Variants in RNF111 observed in about 807,000 individuals in gnomAD.
RNF111 encodes ring finger protein 111.
RNF111 carries 17 observed loss-of-function variants against 95.1 expected under a neutral mutation model. That is an observed-to-expected ratio of 0.18 (90% confidence interval 0.12 to 0.27). RNF111 has a LOEUF of 0.27. RNF111 is among the 10% of genes least tolerant of loss of function. The probability of loss-of-function intolerance (pLI) is 1.00; values close to 1 mark genes in which losing one functional copy is unlikely to be tolerated. For missense variants in RNF111, 1,189 were observed against 1,210.4 expected, an observed-to-expected ratio of 0.98 and a Z score of 0.26; for synonymous variants, 440 against 414.8, an observed-to-expected ratio of 1.06 and a Z score of -0.74.
At chr15:59,083,641 T>C (rs981957014) in intron 8 of RNF111, among the ~76,000 whole-genome samples, 63 of 152,326 alleles carry the variant, frequency 4.1e-4, no homozygotes, top group African/African-American at 1.5e-3. Flanking sequence ...CATTGTTTTC[T>C]CTTAAACTTT....
At chr15:59,083,980 A>G in intron 8 of RNF111, 149 bp from the exon 9 acceptor site, 1 of 521,130 alleles carries the variant, frequency 1.9e-6, no homozygotes, top group Non-Finnish European at 2.8e-6. Context: ...ATAATTTTAT[A>G]TGTTTTTATA....
rs2079163747 is a variant in RNF111 at position 59,095,579 on chromosome 15, ATCATACAT to A, written c.*681_*688del. ...GTGCAGATAAGAGTTGAATATTGAT[ATCATACAT>A]TTAGACTGCTGTTCTGATTGCATTT... On this transcript the variant is annotated 3_prime_UTR_variant, in exon 14 of 14. Coordinates refer to ENST00000348370, the MANE Select transcript of RNF111 (RefSeq NM_017610.8). 1 of 154,694 alleles carries A rather than the reference ATCATACAT, an allele frequency of 6.5e-6. No individual in the cohort carries two copies. Among genetic ancestry groups the A allele is most frequent in the East Asian group, 1.9e-4 (1 of 5,250 alleles). 9.6% of individuals were successfully genotyped at this position (154,694 alleles called of 1,614,324 possible). A position where few individuals can be genotyped will look rare whatever the true frequency, so the allele number is the denominator to read the frequency against.
rs778734872 is a variant in RNF111, at chr15:59,091,096, A to G, written c.2681A>G (p.Asn894Ser). The part of the protein sequence containing the change: ...IHLEERLGNV[N>S]RGASQGTIER... ...TTGGAAGAAAGATTAGGCAATGTCA[A>G]TCGTGGAGCATCCCAGGGGACAATT... is the stretch of plus-strand genomic sequence containing the variant. The change falls in exon 12 of 14, where the codon AAT becomes AGT. Residue 894 changes from asparagine to serine, a missense_variant. Physicochemically the swap from Asn to Ser is conservative, Grantham distance 46 (BLOSUM62 1). Around this residue, in one of 2 missense-constraint regions of RNF111, gnomAD observed 165 missense variants for 284.6 expected, o/e 0.58. Transcript: ENST00000348370. The G allele has an allele frequency of 2.5e-6, 4 of 1,611,042 alleles. No homozygotes were observed. Among genetic ancestry groups the G allele is most frequent in the African/African-American group, 1.3e-5 (1 of 74,968 alleles).
In RNF111 at chr15:59,089,678, G is replaced by A. The variant is rs2078994879; in HGVS notation, c.2562G>A (p.Met854Ile). Residue 854 changes from methionine to isoleucine, a missense_variant, in exon 11 of 14, where the codon ATG (methionine) becomes ATA (isoleucine). By Grantham distance (10) the Met-to-Ile change is conservative (BLOSUM62 1). Transcript: ENST00000348370. ...LGALPLMVPD[M>I]AGYPHIRYIS... ...TTCTGTTGAAATAGGTTCCTGATAT[G>A]GCAGGCTATCCTCACATCCGTTACA... 1 of 1,612,868 alleles carries A rather than the reference G, an allele frequency of 6.2e-7. No homozygotes were observed. Among genetic ancestry groups the A allele is most frequent in the South Asian group, 1.1e-5 (1 of 91,070 alleles).
At chr15:59,092,677 A>G in intron 13 of RNF111, 37 bp downstream of exon 13, 1 of 1,560,502 alleles carries the variant, frequency 6.4e-7, no homozygotes, top group Non-Finnish European at 8.7e-7. Context: ...CCATTGTCAA[A>G]ACTGTACATG....
chr15:59,051,470 GAAA>G (rs1229895103), intron 2 of RNF111, among the ~76,000 whole-genome samples: 1 of 127,130 alleles, frequency 7.9e-6, no homozygotes, highest in Non-Finnish European at 1.7e-5. Context: ...AAAAAAAAAG[GAAA>G]AAAAAAAAAA....
At position 59,066,880 on chromosome 15, in the gene RNF111, C is replaced by A. The variant is rs141362511; in HGVS notation, c.1483C>A (p.His495Asn). 1.8e-4 allele frequency: 297 copies of A among 1,614,072 alleles called. No homozygotes were observed. The highest frequency in any genetic ancestry group is 2.5e-4 in the Non-Finnish European group (291 of 1,180,008). Residue 495 changes from histidine (H) to asparagine (N), a missense_variant, in exon 6 of 14, where the codon CAT becomes AAT. Coordinates refer to ENST00000348370, the MANE Select transcript of RNF111 (RefSeq NM_017610.8). ...ATGTGGAGGGTCGTCACAGAACCAC[C>A]ATGCATTAGGACATCCTCATACAAG... ...SPCGGSSQNH[H>N]ALGHPHTSCF...
At chr15:59,066,382 G>A (rs931215607) in intron 5 of RNF111, among the ~76,000 whole-genome samples, 4 of 152,124 alleles carry the variant, frequency 2.6e-5, no homozygotes, top group East Asian at 3.9e-4. Context: ...AGGCTGAGGC[G>A]GGCAGATCAC....
intron 2 of RNF111, among the ~76,000 whole-genome samples, chr15:59,044,818 T>G (rs2041631588): frequency 1.3e-5 from 2 of 152,228 alleles, no homozygotes; most frequent in Admixed American, 1.3e-4. Flanking sequence ...TTGAAATGTT[T>G]CCCTTTTAAA....
At chr15:59,015,726 G>T (rs1326695118) in intron 1 of RNF111, among the ~76,000 whole-genome samples, 1 of 151,738 alleles carries the variant, frequency 6.6e-6, no homozygotes, top group Non-Finnish European at 1.5e-5. Context: ...TTCGCCCACC[G>T]TCACCCTGTG....
intron 6 of RNF111, among the ~76,000 whole-genome samples, chr15:59,071,456 G>A (rs2042922519): frequency 1.3e-5 from 2 of 152,130 alleles, no homozygotes. Flanking sequence ...GCTGAGACGG[G>A]TGGATCGCTT....
chr15:59,080,826 CATAAAA>C, intron 7 of RNF111, 104 bp from the exon 8 acceptor site: 1 of 848,970 alleles, frequency 1.2e-6, no homozygotes, highest in Non-Finnish European at 1.8e-6. Context: ...ATAAAGTATT[CATAAAA>C]ATAAAATACT....
chr15:59,033,317 T>C (rs1312012363), intron 2 of RNF111, among the ~76,000 whole-genome samples: 1 of 152,226 alleles, frequency 6.6e-6, no homozygotes, highest in African/African-American at 2.4e-5. Flanking sequence ...TGTATTTTTC[T>C]CTTTTTGCCA....
In RNF111 at chr15:59,066,793, G is replaced by A. The variant is rs2042676405; in HGVS notation, c.1396G>A (p.Val466Ile). The A allele has an allele frequency of 1.2e-6, 2 of 1,613,804 alleles. No individual in the cohort carries two copies. Among genetic ancestry groups the A allele is most frequent in the Non-Finnish European group, 1.7e-6 (2 of 1,179,948 alleles). ...DDSRRTTSSA[V>I]TETGPPAMPR... ...CTCAAGGAGAACTACATCTAGTGCTGTAACGGAAACTGGCCCTCCTGCAAT... is the reference window on the plus strand; with the variant it reads ...CTCAAGGAGAACTACATCTAGTGCTATAACGGAAACTGGCCCTCCTGCAAT... The change falls in exon 6 of 14, where the codon GTA becomes ATA. Residue 466 changes from valine to isoleucine, a missense_variant. This residue lies in a region of RNF111 where 1,024 missense variants were observed against 925.9 expected (regional missense o/e 1.11). Transcript: ENST00000348370.
At chr15:59,063,428 T>C (rs1185785559) in intron 5 of RNF111, among the ~76,000 whole-genome samples, 1 of 152,076 alleles carries the variant, frequency 6.6e-6, no homozygotes, top group Non-Finnish European at 1.5e-5. Flanking sequence ...AAGGCACTCC[T>C]AGGAGGCACT....
rs543220378 is a variant in RNF111, at chr15:58,996,530, G to C, written c.-20+8462G>C. Among the ~76,000 whole-genome samples, 2 of 151,618 alleles carry C rather than the reference G, an allele frequency of 1.3e-5. 1 individual carries two copies. Among genetic ancestry groups the C allele is most frequent in the African/African-American group, 4.8e-5 (2 of 41,320 alleles). The stretch of plus-strand genomic sequence containing the variant: ...TGGGAGGTGGAGGTTGCAGTGAGCC[G>C]AGATCATGCCACTGTACTCCAGCCT... On this transcript the variant is annotated intron_variant, in intron 1 of 13. Transcript: ENST00000348370.
intron 13 of RNF111, among the ~76,000 whole-genome samples, chr15:59,093,143 G>A (rs945807284): frequency 1.3e-5 from 2 of 152,298 alleles, no homozygotes; most frequent in Non-Finnish European, 2.9e-5. Context: ...TACCAACATG[G>A]GAGTGGGAAA....
At chr15:59,091,792 GT>G (rs1403087207) in intron 12 of RNF111, among the ~76,000 whole-genome samples, 3 of 152,172 alleles carry the variant, frequency 2.0e-5, no homozygotes, top group African/African-American at 7.2e-5. Context: ...AGAGGGGATA[GT>G]TTCAGAATGA....
chr15:58,988,861 C>G (rs1279873830), intron 1 of RNF111, among the ~76,000 whole-genome samples: 1 of 152,138 alleles, frequency 6.6e-6, no homozygotes, highest in African/African-American at 2.4e-5. Flanking sequence ...TTAGAATTCT[C>G]TTGAATGGTA....
Sources: allele counts gnomAD v4.1 joint callset (sites outside exome capture counted in the v4.1 genomes callset), GRCh38; gene constraint gnomAD v4.1.1; regional missense constraint gnomAD v4.1.1; transcripts MANE v1.5; gene names NCBI Gene and HGNC (gene_info 2026-07-23, HGNC 2026-07-21).